Variants in INSIG2 observed in about 807,000 individuals in gnomAD.
The protein encoded by INSIG2 is insulin-induced gene 2 protein.
A neutral mutation model predicts 27.2 loss-of-function variants in INSIG2; 10 were observed. The ratio of observed to expected loss-of-function variants is 0.37; its 90% CI spans 0.23 to 0.62. INSIG2 has a LOEUF of 0.62. INSIG2 is among the 20% of genes least tolerant of loss of function. INSIG2 has a pLI of 0.65. For missense variants in INSIG2, 178 were observed against 270.2 expected (o/e 0.66, Z 2.39); for synonymous variants, 97 against 95.8 (o/e 1.01, Z -0.07).
chr2:118,106,653 C>T, intron 3 of INSIG2, 84 bp from the exon 4 acceptor site: 1 of 1,065,060 alleles, frequency 9.4e-7, no homozygotes, highest in Non-Finnish European at 1.4e-6. Flanking sequence ...CCCTTCTCAA[C>T]AGAGGCATCT....
chr2:118,097,886 T>C (rs1678448614), intron 2 of INSIG2, among the ~76,000 whole-genome samples: 3 of 152,200 alleles, frequency 2.0e-5, no homozygotes, highest in Non-Finnish European at 2.9e-5. Flanking sequence ...AGAATGGCCT[T>C]GTGAAACTTG....
At position 118,096,769 on chromosome 2, in the gene INSIG2, G is replaced by A; in HGVS notation, c.213G>A (p.Trp71Ter). ...DVIASIFSSAWWVPPCCGTAS... is the reference protein window; with the variant it reads ...DVIASIFSSA ...TTGCAAGCATCTTTTCTTCTGCATG[G>A]TGGGTACCCCCATGCTGTGGCACGG... Residue 71 changes from tryptophan to a stop codon, truncating the protein, a stop_gained, in exon 2 of 6, where the codon TGG becomes TGA. Coordinates refer to ENST00000245787, the MANE Select transcript of INSIG2 (RefSeq NM_016133.4). LOFTEE classifies it high-confidence loss of function. 6.2e-7 allele frequency: 1 copy of A among 1,613,744 alleles called. No individual in the cohort carries two copies.
intron 2 of INSIG2, among the ~76,000 whole-genome samples, chr2:118,099,801 C>T (rs1678496629): frequency 6.6e-6 from 1 of 152,160 alleles, no homozygotes; most frequent in Non-Finnish European, 1.5e-5. Flanking sequence ...ATCCAGTTTC[C>T]AAGTCTTACA....
At chr2:118,099,128 CAT>C (rs1372172529) in intron 2 of INSIG2, among the ~76,000 whole-genome samples, 1 of 152,194 alleles carries the variant, frequency 6.6e-6, no homozygotes, top group Non-Finnish European at 1.5e-5. Context: ...ATTTAAGAAA[CAT>C]AGTGTGTTTG....
Position 118,096,805 on chromosome 2 carries a change from G to A in INSIG2, c.244+5G>A. On this transcript the variant is annotated splice_donor_5th_base_variant and intron_variant, in intron 2 of 5. Coordinates refer to ENST00000245787, the MANE Select transcript of INSIG2 (RefSeq NM_016133.4). ...CATGCTGTGGCACGGCTTCAGGTAT[G>A]TGTAGGATGTTTCTGTAATGCTTAG... The A allele has an allele frequency of 6.2e-7, 1 of 1,610,938 alleles. No homozygotes were observed. Among genetic ancestry groups the A allele is most frequent in the Non-Finnish European group, 8.5e-7 (1 of 1,179,592 alleles).
chr2:118,094,629 A>G, intron 1 of INSIG2, among the ~76,000 whole-genome samples: 1 of 152,178 alleles, frequency 6.6e-6, no homozygotes, highest in African/African-American at 2.4e-5. Context: ...GTCAGTGAGG[A>G]CTAGCTTGGG....
At chr2:118,097,727 T>C (rs903795002) in intron 2 of INSIG2, among the ~76,000 whole-genome samples, 1 of 152,200 alleles carries the variant, frequency 6.6e-6, no homozygotes, top group African/African-American at 2.4e-5. Flanking sequence ...ATAATTCTGA[T>C]TGAAGGAGAA....
chr2:118,096,547 C>T lies in INSIG2; in HGVS notation c.-10C>T. ...TTTTTTTTTTAACGGCTTTCTGAAC[C>T]TATGAAACCATGGCAGAAGGAGAGA... On this transcript the variant is annotated 5_prime_UTR_variant, in exon 2 of 6. Coordinates refer to ENST00000245787, the MANE Select transcript of INSIG2 (RefSeq NM_016133.4). 6.2e-7 allele frequency: 1 copy of T among 1,607,694 alleles called. No individual in the cohort carries two copies. The highest frequency in any genetic ancestry group is 1.1e-5 in the South Asian group (1 of 90,504).
chr2:118,097,902 C>A (rs150033960), intron 2 of INSIG2, among the ~76,000 whole-genome samples: 1 of 152,230 alleles, frequency 6.6e-6, no homozygotes, highest in African/African-American at 2.4e-5. Context: ...ACTTGCTGGA[C>A]AATTATAGAA....
At position 118,107,118 on chromosome 2, in the gene INSIG2, C is replaced by T. The variant is rs760931206; in HGVS notation, c.565C>T (p.Arg189Cys). ...QYTSPDFLYV[R>C]SWLPCIFFAG... ...TACATCTCCAGATTTCCTCTATGTT[C>T]GTTCTTGGTTACCATGTATATTTTT... is the stretch of plus-strand genomic sequence containing the variant. The change falls in exon 5 of 6, where the codon CGT (arginine) becomes TGT (cysteine). Residue 189 changes from arginine (R) to cysteine (C), a missense_variant. Arg to Cys is a radical substitution (Grantham distance 180). Transcript: ENST00000245787. 5.0e-6 allele frequency: 8 copies of T among 1,612,486 alleles called. No individual in the cohort carries two copies. Among genetic ancestry groups the T allele is most frequent in the Non-Finnish European group, 6.8e-6 (8 of 1,178,866 alleles).
chr2:118,108,102 T>A (rs1678719523), intron 5 of INSIG2, among the ~76,000 whole-genome samples, 179 bp from the exon 6 acceptor site: 1 of 152,162 alleles, frequency 6.6e-6, no homozygotes, highest in Admixed American at 6.6e-5. Flanking sequence ...TGTGAATTAT[T>A]TTTTTCCCTG....
At chr2:118,094,312 T>A in intron 1 of INSIG2, among the ~76,000 whole-genome samples, 1 of 140,514 alleles carries the variant, frequency 7.1e-6, no homozygotes, top group African/African-American at 2.8e-5. Context: ...AGCAACCAGA[T>A]GATGATGATG....
At position 118,110,932 on chromosome 2, in the gene INSIG2, T is replaced by C. The variant is rs1678796522; in HGVS notation, c.*2610T>C. The C allele has an allele frequency of 6.6e-6, 1 of 152,238 alleles. No homozygotes were observed. The highest frequency in any genetic ancestry group is 2.4e-5 in the African/African-American group (1 of 41,464). 9.4% of individuals were successfully genotyped at this position (152,238 alleles called of 1,614,324 possible). A position where few individuals can be genotyped will look rare whatever the true frequency, so the allele number is the denominator to read the frequency against. ...ACCTCTCAATGATGCATATGTTTCA[T>C]ACATCTTGTATTTTCCAGGTAGAAG... On this transcript the variant is annotated 3_prime_UTR_variant, in exon 6 of 6. Transcript: ENST00000245787.
intron 3 of INSIG2, among the ~76,000 whole-genome samples, chr2:118,105,804 G>A (rs774874432): frequency 3.3e-5 from 5 of 152,148 alleles, no homozygotes; most frequent in Non-Finnish European, 7.4e-5. Context: ...GGTGATACGT[G>A]TTCTCCCAAA....
At chr2:118,093,015 TGAGGAG>T (rs779340110) in intron 1 of INSIG2, among the ~76,000 whole-genome samples, 34 of 92,074 alleles carry the variant, frequency 3.7e-4, no homozygotes, top group African/African-American at 8.3e-4. Flanking sequence ...ATGATGATGA[TGAGGAG>T]GAGGAGGAGG....
At chr2:118,103,112 TGTG>T (rs1678587950) in intron 2 of INSIG2, 82 bp from the exon 3 acceptor site, 1 of 1,076,790 alleles carries the variant, frequency 9.3e-7, no homozygotes, top group Non-Finnish European at 1.3e-6. Flanking sequence ...TTAAAATGCT[TGTG>T]GTGGTTGTAG....
At chr2:118,106,298 C>T (rs9308762) in intron 3 of INSIG2, among the ~76,000 whole-genome samples, 124,514 of 152,236 alleles carry the variant, frequency 0.82, 51,280 homozygotes, top group African/African-American at 0.85. Context: ...AGTTCCTGTA[C>T]GATTCTCAAG....
At chr2:118,090,726 C>T (rs1187891765) in intron 1 of INSIG2, among the ~76,000 whole-genome samples, 3 of 152,142 alleles carry the variant, frequency 2.0e-5, no homozygotes, top group Non-Finnish European at 4.4e-5. Flanking sequence ...ATTTTAAAAA[C>T]GGTTTCTTGT....
At chr2:118,102,466 T>A (rs773015522) in intron 2 of INSIG2, 7 of 152,200 alleles carry the variant, frequency 4.6e-5, no homozygotes, top group Non-Finnish European at 1.0e-4. Flanking sequence ...CACTTAAAAT[T>A]TAACTGAAAA....
Sources: allele counts gnomAD v4.1 joint callset (sites outside exome capture counted in the v4.1 genomes callset), GRCh38; gene constraint gnomAD v4.1.1; transcripts MANE v1.5; gene names NCBI Gene and HGNC (gene_info 2026-07-23, HGNC 2026-07-21).